Variants in LOC128125817 observed in about 807,000 individuals in gnomAD.
At chr1:41,621,429 C>T in the LOC128125817 span, among the ~76,000 whole-genome samples, 5 of 152,264 alleles carry the variant, frequency 3.3e-5, no homozygotes, top group Non-Finnish European at 5.9e-5. Flanking sequence ...CCTCTGTCTC[C>T]CAAGGGAGGG....
At chr1:41,585,439 C>T in the LOC128125817 span, 3 of 397,626 alleles carry the variant, frequency 7.5e-6, no homozygotes, top group African/African-American at 2.1e-5. Flanking sequence ...TGAGACCCCT[C>T]AAAAGTTAAC....
the LOC128125817 span, among the ~76,000 whole-genome samples, chr1:41,601,121 C>T: frequency 6.6e-5 from 10 of 152,052 alleles, no homozygotes; most frequent in East Asian, 1.9e-3. Flanking sequence ...ACATGTCTGT[C>T]TTTATGTCAG....
chr1:41,619,894 G>A, the LOC128125817 span, among the ~76,000 whole-genome samples: 5 of 152,178 alleles, frequency 3.3e-5, no homozygotes, highest in Non-Finnish European at 7.3e-5. Flanking sequence ...GCTGCAGTGA[G>A]CACCTAGGCA....
chr1:41,615,902 T>A, the LOC128125817 span, among the ~76,000 whole-genome samples: 1 of 147,358 alleles, frequency 6.8e-6, no homozygotes, highest in African/African-American at 2.5e-5. Context: ...GCTGCTTGGA[T>A]GAAATATTTT....
the LOC128125817 span, among the ~76,000 whole-genome samples, chr1:41,594,852 T>A: frequency 6.6e-6 from 1 of 152,218 alleles, no homozygotes; most frequent in Non-Finnish European, 1.5e-5. Flanking sequence ...TTCCCTCCTT[T>A]CCTCTCTTCT....
chr1:41,608,264 G>A, the LOC128125817 span, among the ~76,000 whole-genome samples: 6 of 152,286 alleles, frequency 3.9e-5, no homozygotes, highest in East Asian at 1.9e-4. Context: ...AAGTGGCCAG[G>A]GAACTCCCAC....
the LOC128125817 span, among the ~76,000 whole-genome samples, chr1:41,626,303 GAC>G: frequency 6.6e-6 from 1 of 152,210 alleles, no homozygotes; most frequent in Admixed American, 6.5e-5. Flanking sequence ...TGATCACCTG[GAC>G]TCCAGCAGCA....
At chr1:41,627,444 A>G in the LOC128125817 span, among the ~76,000 whole-genome samples, 6 of 152,164 alleles carry the variant, frequency 3.9e-5, no homozygotes, top group African/African-American at 1.2e-4. Context: ...TGAGGCTCCA[A>G]TGCCCAGTTC....
the LOC128125817 span, among the ~76,000 whole-genome samples, chr1:41,608,978 G>A: frequency 6.6e-6 from 1 of 151,488 alleles, no homozygotes; most frequent in South Asian, 2.1e-4. Flanking sequence ...CAGTTACTTG[G>A]AAGGTTGAGG....
At chr1:41,591,606 A>G in the LOC128125817 span, among the ~76,000 whole-genome samples, 1 of 151,522 alleles carries the variant, frequency 6.6e-6, no homozygotes, top group African/African-American at 2.4e-5. Flanking sequence ...CATCTTCCTG[A>G]CTCCATGGAA....
At chr1:41,601,842 C>T in the LOC128125817 span, among the ~76,000 whole-genome samples, 4 of 152,074 alleles carry the variant, frequency 2.6e-5, no homozygotes, top group African/African-American at 4.8e-5. Flanking sequence ...AAAACTTTTC[C>T]GTTTTTCACC....
the LOC128125817 span, among the ~76,000 whole-genome samples, chr1:41,628,104 T>C: frequency 3.3e-5 from 5 of 152,152 alleles, no homozygotes; most frequent in Admixed American, 3.3e-4. Flanking sequence ...TATATAAACA[T>C]AAGCTGATAC....
At chr1:41,604,054 A>G in the LOC128125817 span, among the ~76,000 whole-genome samples, 4 of 152,286 alleles carry the variant, frequency 2.6e-5, no homozygotes, top group Non-Finnish European at 4.4e-5. Flanking sequence ...AGGATGTGGT[A>G]CAACTGGAAC....
At chr1:41,590,997 G>A in the LOC128125817 span, among the ~76,000 whole-genome samples, 1 of 152,334 alleles carries the variant, frequency 6.6e-6, no homozygotes, top group East Asian at 1.9e-4. Context: ...AAACTGTCAT[G>A]TGTGGTTTAA....
chr1:41,616,273 C>T, the LOC128125817 span, among the ~76,000 whole-genome samples: 4 of 152,348 alleles, frequency 2.6e-5, no homozygotes, highest in Admixed American at 2.6e-4. Flanking sequence ...CTGATGAATG[C>T]CACAGCAGGG....
At chr1:41,616,618 G>GC in the LOC128125817 span, among the ~76,000 whole-genome samples, 1 of 120,672 alleles carries the variant, frequency 8.3e-6, no homozygotes, top group South Asian at 2.8e-4. Context: ...AAGATGGGGA[G>GC]CCTTTTTTTT....
At chr1:41,601,373 C>G in the LOC128125817 span, among the ~76,000 whole-genome samples, 32 of 152,226 alleles carry the variant, frequency 2.1e-4, no homozygotes, top group Non-Finnish European at 2.8e-4. Flanking sequence ...TTAATTCTTC[C>G]AATCCATGAA....
At chr1:41,620,300 A>G in the LOC128125817 span, among the ~76,000 whole-genome samples, 1 of 152,174 alleles carries the variant, frequency 6.6e-6, no homozygotes, top group African/African-American at 2.4e-5. Context: ...TCGTGATTTC[A>G]GTTTTAGTTT....
the LOC128125817 span, among the ~76,000 whole-genome samples, chr1:41,612,545 C>CA: frequency 6.6e-6 from 1 of 152,298 alleles, no homozygotes; most frequent in African/African-American, 2.4e-5. Flanking sequence ...GATGAGGAAA[C>CA]AGAGGTTCAG....
Sources: allele counts gnomAD v4.1 joint callset (sites outside exome capture counted in the v4.1 genomes callset), GRCh38; gene constraint gnomAD v4.1.1; transcripts MANE v1.5.